VPS8: variants seen among roughly 807,000 people sequenced by gnomAD.
The protein encoded by VPS8 is VPS8 subunit of CORVET complex, also known as vacuolar protein sorting-associated protein 8 homolog.
A neutral mutation model predicts 216.4 loss-of-function variants in VPS8; 129 were observed. The ratio of observed to expected loss-of-function variants is 0.60; its 90% CI spans 0.52 to 0.69. The LOEUF is 0.69. Ranked by LOEUF, VPS8 falls within the 30% of genes least tolerant of loss-of-function variation. The pLI is 0.00. For synonymous variants in VPS8, 571 were observed against 565.4 expected (o/e 1.01, Z -0.14); for missense variants, 1,531 against 1,683.5 (o/e 0.91, Z 1.59).
At chr3:184,887,606 A>C (rs1471033318) in intron 22 of VPS8, among the ~76,000 whole-genome samples, 1 of 152,224 alleles carries the variant, frequency 6.6e-6, no homozygotes, top group Non-Finnish European at 1.5e-5. Context: ...TTTTGGTGGC[A>C]AAGGTGGGAT....
At chr3:184,854,265 G>A in intron 13 of VPS8, 92 bp downstream of exon 13, 1 of 1,386,742 alleles carries the variant, frequency 7.2e-7, no homozygotes, top group Non-Finnish European at 1.0e-6. Context: ...CTATGAGATT[G>A]TCAGAAAACT....
At chr3:185,032,198 G>A (rs1758274924) in intron 46 of VPS8, among the ~76,000 whole-genome samples, 1 of 152,082 alleles carries the variant, frequency 6.6e-6, no homozygotes, top group African/African-American at 2.4e-5. Context: ...GTTCACTGAT[G>A]TAGTGAATGA....
chr3:184,833,153 TC>T (rs1720356627), intron 4 of VPS8, among the ~76,000 whole-genome samples: 1 of 151,824 alleles, frequency 6.6e-6, no homozygotes, highest in Non-Finnish European at 1.5e-5. Flanking sequence ...CTGCCCACCC[TC>T]CCGCACCTCC....
intron 25 of VPS8, among the ~76,000 whole-genome samples, chr3:184,906,114 G>A (rs1269013593): frequency 6.6e-6 from 1 of 151,996 alleles, no homozygotes; most frequent in Non-Finnish European, 1.5e-5. Context: ...ATTCCTCAAA[G>A]CAATATGTTT....
chr3:184,878,875 G>A (rs889175314), intron 21 of VPS8, among the ~76,000 whole-genome samples: 14 of 152,098 alleles, frequency 9.2e-5, no homozygotes, highest in Admixed American at 1.3e-4. Context: ...GTAGCCTGTG[G>A]AGATTTATCT....
intron 25 of VPS8, among the ~76,000 whole-genome samples, chr3:184,910,381 C>T (rs138532204): frequency 2.5e-3 from 374 of 152,288 alleles, no homozygotes; most frequent in African/African-American, 8.4e-3. Context: ...ACAGACAGCA[C>T]TTAGACCCAG....
At chr3:184,940,929 A>G (rs907882115) in intron 36 of VPS8, among the ~76,000 whole-genome samples, 7 of 152,216 alleles carry the variant, frequency 4.6e-5, no homozygotes, top group Non-Finnish European at 1.0e-4. Flanking sequence ...AGTAGTGTGC[A>G]TCAGAATCAC....
chr3:184,839,694 T>C lies in VPS8; in HGVS notation c.481-4T>C. The stretch of plus-strand genomic sequence containing the variant: ...TAAAACGTAATCTTCCCTTTTGTTT[T>C]CAGGCAGTATCCAGTCTGATAGCAG... On this transcript the variant is annotated splice_region_variant and splice_polypyrimidine_tract_variant and intron_variant, in intron 6 of 47. Coordinates refer to ENST00000625842, the MANE Select transcript of VPS8 (RefSeq NM_001009921.3). 6.2e-7 allele frequency: 1 copy of C among 1,602,370 alleles called. No homozygotes were observed. Among genetic ancestry groups the C allele is most frequent in the Non-Finnish European group, 8.5e-7 (1 of 1,173,934 alleles).
chr3:184,890,753 G>A (rs1202094300), intron 22 of VPS8, among the ~76,000 whole-genome samples: 1 of 152,036 alleles, frequency 6.6e-6, no homozygotes, highest in Non-Finnish European at 1.5e-5. Flanking sequence ...TTAAAATTTG[G>A]CATTAGAGTC....
At chr3:184,928,243 G>A (rs902421191) in intron 31 of VPS8, among the ~76,000 whole-genome samples, 1 of 152,148 alleles carries the variant, frequency 6.6e-6, no homozygotes, top group Non-Finnish European at 1.5e-5. Flanking sequence ...GGAAAGCAGA[G>A]CCATTTATCT....
intron 8 of VPS8, among the ~76,000 whole-genome samples, chr3:184,845,095 A>G (rs1257854982): frequency 6.6e-6 from 1 of 152,224 alleles, no homozygotes; most frequent in African/African-American, 2.4e-5. Flanking sequence ...CTGTTAATTT[A>G]ATAACTTTTT....
At chr3:184,951,961 C>T (rs1442446120) in intron 36 of VPS8, among the ~76,000 whole-genome samples, 1 of 152,144 alleles carries the variant, frequency 6.6e-6, no homozygotes, top group East Asian at 1.9e-4. Context: ...GATGCATATT[C>T]ACAACTTTGT....
chr3:185,045,823 TC>T (rs1343380611), intron 46 of VPS8, among the ~76,000 whole-genome samples: 1 of 151,318 alleles, frequency 6.6e-6, no homozygotes, highest in East Asian at 1.9e-4. Flanking sequence ...TTTGTTTTCT[TC>T]CTTCCAGCGG....
chr3:184,924,148 A>G (rs1180028089), intron 29 of VPS8, among the ~76,000 whole-genome samples: 1 of 152,356 alleles, frequency 6.6e-6, no homozygotes, highest in South Asian at 2.1e-4. Context: ...CCATGTCTTC[A>G]AGGAACTGCT....
At chr3:184,971,893 G>A in intron 40 of VPS8, 141 bp downstream of exon 40, 1 of 620,726 alleles carries the variant, frequency 1.6e-6, no homozygotes. Flanking sequence ...TGACCAACAT[G>A]GAGAAATCCC....
chr3:184,824,558 G>C lies in VPS8; in HGVS notation c.-75G>C. 1.4e-6 allele frequency: 2 copies of C among 1,444,048 alleles called. No homozygotes were observed. Among genetic ancestry groups the C allele is most frequent in the East Asian group, 4.6e-5 (2 of 43,578 alleles). The allele number at this position is 1,444,048 out of a possible 1,614,324, so 89.5% of individuals were successfully genotyped here. ...TTTTTTGAAAAGAGATAATCATTCA[G>C]GTCTTCGTGAGCTAAGGCCAAACAA... On this transcript the variant is annotated 5_prime_UTR_variant, in exon 2 of 48. Transcript: ENST00000625842.
At chr3:184,942,160 C>T (rs894589753) in intron 36 of VPS8, among the ~76,000 whole-genome samples, 1 of 150,118 alleles carries the variant, frequency 6.7e-6, no homozygotes, top group Non-Finnish European at 1.5e-5. Flanking sequence ...ATAAATATTA[C>T]AAAAAAAAAG....
At chr3:184,961,529 G>A (rs1746503078) in intron 37 of VPS8, among the ~76,000 whole-genome samples, 1 of 152,050 alleles carries the variant, frequency 6.6e-6, no homozygotes, top group Non-Finnish European at 1.5e-5. Flanking sequence ...TATATTAAAA[G>A]TAGAGCACCC....
At chr3:184,825,434 T>C (rs999909038) in intron 2 of VPS8, among the ~76,000 whole-genome samples, 1 of 152,196 alleles carries the variant, frequency 6.6e-6, no homozygotes, top group African/African-American at 2.4e-5. Flanking sequence ...AATAACAGCA[T>C]GTTGCTTGAC....
Sources: allele counts gnomAD v4.1 joint callset (sites outside exome capture counted in the v4.1 genomes callset), GRCh38; gene constraint gnomAD v4.1.1; transcripts MANE v1.5; gene names NCBI Gene and HGNC (gene_info 2026-07-23, HGNC 2026-07-21).